Variants in ESPL1 observed in about 807,000 individuals in gnomAD.
ESPL1 encodes extra spindle pole bodies like 1, separase, also known as separin.
Under a neutral mutation model 217.2 loss-of-function variants are expected in ESPL1, and 50 were observed. The observed-to-expected ratio is 0.23, with a 90% CI of 0.18 to 0.29. The LOEUF (loss-of-function observed/expected upper bound fraction) is 0.29. Among genes scored for constraint, ESPL1 ranks in the 10% least tolerant of loss-of-function variants. The probability of loss-of-function intolerance (pLI) is 1.00; values close to 1 mark genes in which losing one functional copy is unlikely to be tolerated. For missense variants in ESPL1, 1,834 were observed against 2,603.0 expected, an observed-to-expected ratio of 0.70 and a Z score of 6.43; for synonymous variants, 994 against 1,081.3, an observed-to-expected ratio of 0.92 and a Z score of 1.58.
Position 53,291,952 on chromosome 12 carries a change from G to A in ESPL1, c.5692-32G>A, listed in dbSNP as rs372170142. 3.4e-4 allele frequency: 547 copies of A among 1,609,688 alleles called. 1 individual carries two copies. The highest frequency in any genetic ancestry group is 4.2e-4 in the Non-Finnish European group (499 of 1,176,512). The stretch of plus-strand genomic sequence containing the variant: ...TCTGACTTCTGCATATACCTGGCTG[G>A]GGACAGTAACCTCTTAGTGCTTTTT... On this transcript the variant is annotated intron_variant, in intron 26 of 30. Transcript: ENST00000257934.
At chr12:53,268,437 GC>G in intron 1 of ESPL1, 60 bp downstream of exon 1, 1 of 310,222 alleles carries the variant, frequency 3.2e-6, no homozygotes, top group East Asian at 7.4e-5. Flanking sequence ...GATCCCCAGC[GC>G]TGACGCGAGG....
Position 53,270,916 on chromosome 12 carries a change from G to A in ESPL1, c.1369+118G>A, listed in dbSNP as rs948318414. The A allele has an allele frequency of 2.7e-6, 3 of 1,102,014 alleles. No homozygotes were observed. The African/African-American group carries it at 4.7e-5, about 17-fold the overall frequency. The allele number at this position is 1,102,014 out of a possible 1,614,324, so 68.3% of individuals were successfully genotyped here. On this transcript the variant is annotated intron_variant, in intron 5 of 30. Transcript: ENST00000257934. Reference sequence around the variant, plus strand: ...TGAGGGTTCCTTATGGTTCAAGGAGGCAGTGAGAGAAATGTTTATAAGTAC... The same window carrying A: ...TGAGGGTTCCTTATGGTTCAAGGAGACAGTGAGAGAAATGTTTATAAGTAC...
Position 53,283,165 on chromosome 12 carries a change from A to T in ESPL1, c.2828A>T (p.His943Leu), listed in dbSNP as rs1943891982. The T allele has an allele frequency of 6.2e-7, 1 of 1,614,112 alleles. No homozygotes were observed. Among genetic ancestry groups the T allele is most frequent in the Admixed American group, 1.7e-5 (1 of 60,002 alleles). ...CCTGAGATAGCTCTCATAGACTCCC[A>T]TAAGCTCCTCCGAAGCATCATCCTC... ...QTPEIALIDS[H>L]KLLRSIILLL... The change falls in exon 15 of 31, where the codon CAT (histidine) becomes CTT (leucine). Residue 943 changes from histidine (H) to leucine (L), a missense_variant. His to Leu is a moderately conservative substitution (Grantham distance 99). Coordinates refer to ENST00000257934, the MANE Select transcript of ESPL1 (RefSeq NM_012291.5).
chr12:53,277,243 G>A lies in ESPL1; in HGVS notation c.2085+16G>A, dbSNP rs756759346. Reference sequence around the variant, plus strand: ...AATGCAGGAAGTGAGTGTGGCTGCTGTGGGGCTCACCAGAACTGGGTGTAG... The same window carrying A: ...AATGCAGGAAGTGAGTGTGGCTGCTATGGGGCTCACCAGAACTGGGTGTAG... On this transcript the variant is annotated intron_variant, in intron 9 of 30. Transcript: ENST00000257934. The A allele has an allele frequency of 6.2e-7, 1 of 1,601,648 alleles. No individual in the cohort carries two copies. Among genetic ancestry groups the A allele is most frequent in the South Asian group, 1.1e-5 (1 of 90,732 alleles).
At chr12:53,270,579 A>G (rs1386406742) in intron 4 of ESPL1, 97 bp downstream of exon 4, 1 of 807,758 alleles carries the variant, frequency 1.2e-6, no homozygotes, top group Non-Finnish European at 1.6e-6. Context: ...ACTGCCCTCA[A>G]ACAGCTTTGG....
intron 8 of ESPL1, 46 bp downstream of exon 8, chr12:53,276,905 G>C: frequency 1.3e-6 from 2 of 1,598,150 alleles, no homozygotes; most frequent in African/African-American, 1.3e-5. Flanking sequence ...CTTGCCCTAG[G>C]TCCTCTCACC....
At position 53,286,905 on chromosome 12, in the gene ESPL1, G is replaced by A. The variant is rs760359562; in HGVS notation, c.4169G>A (p.Arg1390His). The change falls in exon 18 of 31, where the codon CGC becomes CAC. Residue 1390 changes from arginine to histidine, a missense_variant. This residue lies in a region of ESPL1 where 681 missense variants were observed against 808.0 expected (regional missense o/e 0.84). Transcript: ENST00000257934. This position sits in a 1 kb window ranked among gnomAD's most constrained non-coding sequence, Gnocchi z 5.3. ...AGGGTACAACAGAGAGTCCAGACGC[G>A]CCTCAAGGTGAGGTGGGACTGTTGC... The part of the protein sequence containing the change: ...APRVQQRVQT[R>H]LKVNFSDDSD... 2.9e-5 allele frequency: 46 copies of A among 1,590,686 alleles called. 1 individual carries two copies. In the Admixed American group the frequency reaches 5.7e-4, roughly 20 times the overall value.
chr12:53,282,159 A>C lies in ESPL1; in HGVS notation c.2620-105A>C. The C allele has an allele frequency of 1.1e-6, 1 of 887,748 alleles. No homozygotes were observed. Among genetic ancestry groups the C allele is most frequent in the South Asian group, 1.5e-5 (1 of 64,812 alleles). The allele number at this position is 887,748 out of a possible 1,614,324, so 55.0% of individuals were successfully genotyped here. ...ATTCAGAAAATTCTAAAATCTTTCT[A>C]ATACCCAGGGCCTTCAGGGATGGGG... On this transcript the variant is annotated intron_variant, in intron 13 of 30. Transcript: ENST00000257934. This position sits in a 1 kb window ranked among gnomAD's most constrained non-coding sequence, Gnocchi z 4.0.
intron 12 of ESPL1, 145 bp from the exon 13 acceptor site, chr12:53,281,362 C>T (rs1229711138): frequency 3.0e-6 from 2 of 674,524 alleles, no homozygotes; most frequent in East Asian, 6.2e-5. Flanking sequence ...TGGTCTTGAA[C>T]TCCTGACCTC....
chr12:53,276,016 G>A (rs1005749656), intron 7 of ESPL1, among the ~76,000 whole-genome samples: 4 of 152,140 alleles, frequency 2.6e-5, no homozygotes, highest in African/African-American at 9.7e-5. Flanking sequence ...CAGGGAGCCT[G>A]GGCAACAAAG....
In ESPL1 at chr12:53,286,324, G is replaced by A. The variant is rs1822399932; in HGVS notation, c.3588G>A (p.Glu1196=). The part of the protein sequence containing the change: ...VVLKGCPEAA[E]RLTQALQASL... ...TGAAGGGCTGTCCTGAAGCCGCTGA[G>A]CGCCTCACCCAAGCTCTCCAAGCTT... The change falls in exon 18 of 31, where the codon GAG becomes GAA. Residue 1196 remains glutamate (E), a synonymous_variant. Coordinates refer to ENST00000257934, the MANE Select transcript of ESPL1 (RefSeq NM_012291.5). This position sits in a 1 kb window ranked among gnomAD's most constrained non-coding sequence, Gnocchi z 5.3. 1 of 1,614,216 alleles carries A rather than the reference G, an allele frequency of 6.2e-7. No homozygotes were observed. Among genetic ancestry groups the A allele is most frequent in the East Asian group, 2.2e-5 (1 of 44,886 alleles).
rs1943939425 is a variant in ESPL1, at chr12:53,285,913, C to A, written c.3188-11C>A. On this transcript the variant is annotated splice_polypyrimidine_tract_variant and intron_variant, in intron 17 of 30. Transcript: ENST00000257934. ...CCCCGTTTTGTAATTCTTGTTCTGC[C>A]TTCTCCCCAGAGTTTGGTGGGGTGA... The A allele has an allele frequency of 2.6e-6, 4 of 1,511,262 alleles. No individual in the cohort carries two copies. The highest frequency in any genetic ancestry group is 3.5e-6 in the Non-Finnish European group (4 of 1,128,250). 93.6% of individuals were successfully genotyped at this position (1,511,262 alleles called of 1,614,324 possible).
rs530699709 is a variant in ESPL1 at position 53,282,676 on chromosome 12, G to A, written c.2791+241G>A. On this transcript the variant is annotated intron_variant, in intron 14 of 30. Transcript: ENST00000257934. The surrounding 1 kb of genome is among the most constrained non-coding windows in gnomAD (Gnocchi z 4.0). ...TTTTCTTTTCTTTTTTTTCTAAGAC[G>A]GAGTTTCGCTGTTGTCACCCAGGCT... 5.9e-5 allele frequency among the ~76,000 whole-genome samples: 9 copies of A among 152,042 alleles called. No homozygotes were observed. In the South Asian group the frequency reaches 1.7e-3, roughly 28 times the overall value.
intron 11 of ESPL1, among the ~76,000 whole-genome samples, 189 bp downstream of exon 11, chr12:53,278,149 T>C (rs969662564): frequency 6.6e-6 from 1 of 152,220 alleles, no homozygotes; most frequent in African/African-American, 2.4e-5. Flanking sequence ...CTTGGGCAAG[T>C]TGCTTAACCT....
At position 53,287,961 on chromosome 12, in the gene ESPL1, T is replaced by C. The variant is rs1349278749; in HGVS notation, c.4177-11T>C. On this transcript the variant is annotated splice_polypyrimidine_tract_variant and intron_variant, in intron 18 of 30. Coordinates refer to ENST00000257934, the MANE Select transcript of ESPL1 (RefSeq NM_012291.5). ...ACCTCTTAGCCCTTCACCCTTTCAC[T>C]CTGATCTCAGGTGAACTTCAGTGAT... 2.5e-6 allele frequency: 4 copies of C among 1,581,000 alleles called. No individual in the cohort carries two copies. The African/African-American group carries it at 4.0e-5, about 16-fold the overall frequency.
chr12:53,285,234 C>T (rs1943927502), intron 17 of ESPL1, among the ~76,000 whole-genome samples: 1 of 152,046 alleles, frequency 6.6e-6, no homozygotes, highest in Admixed American at 6.6e-5. Flanking sequence ...ACTTCATTTG[C>T]CCCACACTAG....
chr12:53,288,065 G>C lies in ESPL1; in HGVS notation c.4270G>C (p.Gly1424Arg). 1 of 1,613,606 alleles carries C rather than the reference G, an allele frequency of 6.2e-7. No individual in the cohort carries two copies. The stretch of plus-strand genomic sequence containing the variant: ...TAAGAGACGGGGCACTGCTTCCCGG[G>C]GCCGGGGGCGAGCAAGGAAGGGCCT... ...EPKRRGTASR[G>R]RGRARKGLSL... Residue 1424 changes from glycine (G) to arginine (R), a missense_variant, in exon 19 of 31, where the codon GGC (glycine) becomes CGC (arginine). Around this residue, in one of 5 missense-constraint regions of ESPL1, gnomAD observed 681 missense variants for 808.0 expected, o/e 0.84. Transcript: ENST00000257934.
In ESPL1 at chr12:53,282,228, G is replaced by C. The variant is rs1592488356; in HGVS notation, c.2620-36G>C. The C allele has an allele frequency of 6.2e-7, 1 of 1,603,676 alleles. No homozygotes were observed. The highest frequency in any genetic ancestry group is 8.5e-7 in the Non-Finnish European group (1 of 1,171,232). Reference sequence around the variant, plus strand: ...CTCTCAAGCTCTGGAGTGCCTGACTGCCTTACTGCCTCCTCTGGCTCCTTC... The same window carrying C: ...CTCTCAAGCTCTGGAGTGCCTGACTCCCTTACTGCCTCCTCTGGCTCCTTC... On this transcript the variant is annotated intron_variant, in intron 13 of 30. Transcript: ENST00000257934. This position sits in a 1 kb window ranked among gnomAD's most constrained non-coding sequence, Gnocchi z 4.0.
Position 53,276,707 on chromosome 12 carries a change from G to T in ESPL1, c.1788G>T (p.Arg596=). 2 of 1,613,294 alleles carry T rather than the reference G, an allele frequency of 1.2e-6. No homozygotes were observed. Among genetic ancestry groups the T allele is most frequent in the Non-Finnish European group, 1.7e-6 (2 of 1,180,032 alleles). Residue 596 remains arginine, a synonymous_variant, in exon 8 of 31, where the codon CGG becomes CGT. Coordinates refer to ENST00000257934, the MANE Select transcript of ESPL1 (RefSeq NM_012291.5). ...AGCTGCAGGCCTACAAGGCGGTGCG[G>T]GCCGACACTGGACAGGAACGCTTCA... ...REELQAYKAV[R]ADTGQERFNI... is the part of the protein sequence containing the mutation.
Sources: gnomAD v4.1 joint callset for allele counts (sites outside exome capture counted in the v4.1 genomes callset) on GRCh38, gnomAD v4.1.1 for gene constraint, gnomAD v4.1.1 regional missense constraint, Gnocchi (gnomAD v3.1) non-coding constraint, MANE v1.5 for transcripts, NCBI Gene and HGNC (gene_info 2026-07-23, HGNC 2026-07-21) for gene names.